Variants in SHLD2 observed in about 807,000 individuals in gnomAD.
SHLD2 encodes RINN1-REV7-interacting novel NHEJ regulator 2.
Under a neutral mutation model 73.2 loss-of-function variants are expected in SHLD2, and 30 were observed. The observed-to-expected ratio is 0.41, with a 90% confidence interval of 0.31 to 0.56. The LOEUF is 0.56. Among genes scored for constraint, SHLD2 ranks in the 20% least tolerant of loss-of-function variants. The pLI, the probability that SHLD2 is intolerant of heterozygous loss-of-function variation, is 0.28. For synonymous variants in SHLD2, 285 were observed against 370.1 expected (o/e 0.77, Z 2.64); for missense variants, 745 against 1,055.9 (o/e 0.71, Z 4.08).
intron 6 of SHLD2, among the ~76,000 whole-genome samples, chr10:87,173,083 G>T (rs1464946960): frequency 6.7e-6 from 1 of 148,200 alleles, no homozygotes. Flanking sequence ...TTGTCACCCA[G>T]GCTGGAATGT....
At chr10:87,119,576 A>G (rs1843459956) in intron 2 of SHLD2, among the ~76,000 whole-genome samples, 1 of 152,122 alleles carries the variant, frequency 6.6e-6, no homozygotes, top group South Asian at 2.1e-4. Context: ...CCTGGCTAAC[A>G]TGGAGAAACC....
intron 2 of SHLD2, among the ~76,000 whole-genome samples, chr10:87,098,256 G>A (rs1842034118): frequency 6.6e-6 from 1 of 151,914 alleles, no homozygotes; most frequent in Admixed American, 6.6e-5. Context: ...GCTCATACCT[G>A]TAATCCCAGC....
intron 8 of SHLD2, among the ~76,000 whole-genome samples, chr10:87,186,169 GT>G (rs1848607229): frequency 6.6e-6 from 1 of 152,178 alleles, no homozygotes; most frequent in Admixed American, 6.5e-5. Flanking sequence ...TGAGGAAAGA[GT>G]GTAGAGTGAA....
chr10:87,183,331 T>A (rs1282981787), intron 8 of SHLD2, among the ~76,000 whole-genome samples: 1 of 152,188 alleles, frequency 6.6e-6, no homozygotes, highest in Non-Finnish European at 1.5e-5. Flanking sequence ...TGGAAAGTGG[T>A]TAGATGTAAA....
In SHLD2 at chr10:87,187,205, T is replaced by C; in HGVS notation, c.2515+5T>C. On this transcript the variant is annotated splice_donor_5th_base_variant and intron_variant, in intron 9 of 9. Transcript: ENST00000298786. ...ACTGCCTCAACAGAGTGATAGGTAA[T>C]ATATCAGTGTGCCATCAAGAAGTTG... is the stretch of plus-strand genomic sequence containing the variant. 1 of 1,485,220 alleles carries C rather than the reference T, an allele frequency of 6.7e-7. No individual in the cohort carries two copies. The highest frequency in any genetic ancestry group is 9.4e-7 in the Non-Finnish European group (1 of 1,062,496). 92.0% of individuals were successfully genotyped at this position (1,485,220 alleles called of 1,614,324 possible).
intron 4 of SHLD2, among the ~76,000 whole-genome samples, chr10:87,167,966 A>G (rs1274843036): frequency 2.0e-5 from 3 of 152,170 alleles, no homozygotes; most frequent in African/African-American, 7.2e-5. Flanking sequence ...ATTATTAAAA[A>G]GTCAAAAAAC....
At chr10:87,138,409 A>G (rs1204896742) in intron 2 of SHLD2, among the ~76,000 whole-genome samples, 2 of 152,194 alleles carry the variant, frequency 1.3e-5, no homozygotes, top group East Asian at 1.9e-4. Flanking sequence ...CTAGATTTCT[A>G]TGGCCAGCAG....
At chr10:87,116,043 A>G (rs1843238376) in intron 2 of SHLD2, among the ~76,000 whole-genome samples, 1 of 152,230 alleles carries the variant, frequency 6.6e-6, no homozygotes, top group African/African-American at 2.4e-5. Context: ...GCAATGTCAA[A>G]TGTAGCCCAC....
At chr10:87,132,529 C>T (rs1367488942) in intron 2 of SHLD2, among the ~76,000 whole-genome samples, 1 of 152,154 alleles carries the variant, frequency 6.6e-6, no homozygotes, top group African/African-American at 2.4e-5. Flanking sequence ...AATCCCAGCA[C>T]TTTGGGAGGC....
intron 2 of SHLD2, among the ~76,000 whole-genome samples, chr10:87,146,293 C>T (rs1564596056): frequency 6.6e-6 from 1 of 151,938 alleles, no homozygotes; most frequent in East Asian, 1.9e-4. Context: ...ATTATGAGTT[C>T]TTTTTGAGAT....
intron 2 of SHLD2, among the ~76,000 whole-genome samples, chr10:87,105,607 G>A (rs891455845): frequency 6.6e-6 from 1 of 152,104 alleles, no homozygotes; most frequent in Non-Finnish European, 1.5e-5. Flanking sequence ...CTGAAGGCAG[G>A]GCTTTTCCAT....
At chr10:87,142,637 AAAAG>A (rs1324587490) in intron 2 of SHLD2, among the ~76,000 whole-genome samples, 1 of 152,192 alleles carries the variant, frequency 6.6e-6, no homozygotes, top group Non-Finnish European at 1.5e-5. Flanking sequence ...AGCACGGGGA[AAAAG>A]AAAGACATCA....
chr10:87,152,673 A>G lies in SHLD2; in HGVS notation c.1319A>G (p.Gln440Arg). 2.5e-6 allele frequency: 4 copies of G among 1,610,654 alleles called. No individual in the cohort carries two copies. The highest frequency in any genetic ancestry group is 3.4e-6 in the Non-Finnish European group (4 of 1,179,514). The change falls in exon 3 of 10, where the codon CAG becomes CGG. Residue 440 changes from glutamine (Q) to arginine (R), a missense_variant. Gln to Arg is a conservative substitution (Grantham distance 43). Transcript: ENST00000298786. Reference sequence around the variant, plus strand: ...ATAAAAAACTGTGATTCTAAAAGCCAGAAGTATAATTGTTTAGTCATGGTG... The same window carrying G: ...ATAAAAAACTGTGATTCTAAAAGCCGGAAGTATAATTGTTTAGTCATGGTG... ...SLIKNCDSKS[Q>R]KYNCLVMVLS... is the part of the protein sequence containing the mutation.
chr10:87,169,419 G>A (rs1467645917), intron 4 of SHLD2, among the ~76,000 whole-genome samples: 3 of 151,884 alleles, frequency 2.0e-5, no homozygotes, highest in Admixed American at 6.6e-5. Flanking sequence ...TATTGTAAAA[G>A]CCTTCAAACA....
chr10:87,127,112 A>G (rs1844062762), intron 2 of SHLD2, among the ~76,000 whole-genome samples: 1 of 151,752 alleles, frequency 6.6e-6, no homozygotes, highest in Non-Finnish European at 1.5e-5. Flanking sequence ...GTTCTACTCT[A>G]TGGATTAAAT....
chr10:87,170,500 T>C lies in SHLD2; in HGVS notation c.1656T>C (p.Val552=), dbSNP rs368077394. 23 of 1,596,212 alleles carry C rather than the reference T, an allele frequency of 1.4e-5. No homozygotes were observed. The highest frequency in any genetic ancestry group is 2.0e-5 in the Non-Finnish European group (23 of 1,174,470). Residue 552 remains valine (V), a synonymous_variant, in exon 5 of 10, where the codon GTT becomes GTC. Coordinates refer to ENST00000298786, the MANE Select transcript of SHLD2 (RefSeq NM_001330112.2). ...PEEYSSVVSE[V]VLQDLLAYVS... is the part of the protein sequence containing the mutation. ...TAGATTCCAGTGTAGTTAGTGAAGT[T>C]GTACTTCAAGACTTACTGGCATATG...
intron 7 of SHLD2, among the ~76,000 whole-genome samples, 178 bp downstream of exon 7, chr10:87,176,273 TAGTGCATACCATC>T (rs1489133756): frequency 6.6e-6 from 1 of 152,230 alleles, no homozygotes; most frequent in Non-Finnish European, 1.5e-5. Flanking sequence ...AAGGGAAGGC[TAGTGCATACCATC>T]AGTGCATGCC....
chr10:87,155,181 C>T (rs1216174140), intron 3 of SHLD2, among the ~76,000 whole-genome samples: 1 of 152,052 alleles, frequency 6.6e-6, no homozygotes, highest in Non-Finnish European at 1.5e-5. Context: ...GTGATCCGCC[C>T]GCCTCAGCCT....
chr10:87,190,482 A>G lies in SHLD2; in HGVS notation c.2516-2A>G, dbSNP rs1294746130. The G allele has an allele frequency of 6.2e-7, 1 of 1,611,658 alleles. No individual in the cohort carries two copies. Among genetic ancestry groups the G allele is most frequent in the Non-Finnish European group, 8.5e-7 (1 of 1,179,646 alleles). ...GGAGCTCTGTGTTTTTGTCTTTTGCAGTTCCTTCCTCAGAGATCACCTATG... is the reference window on the plus strand; with the variant it reads ...GGAGCTCTGTGTTTTTGTCTTTTGCGGTTCCTTCCTCAGAGATCACCTATG... On this transcript the variant is annotated splice_acceptor_variant, in intron 9 of 9. Coordinates refer to ENST00000298786, the MANE Select transcript of SHLD2 (RefSeq NM_001330112.2). LOFTEE classifies it high-confidence loss of function.
Sources: allele counts gnomAD v4.1 joint callset (sites outside exome capture counted in the v4.1 genomes callset), GRCh38; gene constraint gnomAD v4.1.1; transcripts MANE v1.5; gene names NCBI Gene and HGNC (gene_info 2026-07-23, HGNC 2026-07-21).